PRKN: variants seen among roughly 807,000 people sequenced by gnomAD.
PRKN encodes parkin RBR E3 ubiquitin protein ligase.
Under a neutral mutation model 59.5 loss-of-function variants are expected in PRKN, and 56 were observed. The observed-to-expected ratio is 0.94, with a 90% CI of 0.76 to 1.18. The LOEUF (loss-of-function observed/expected upper bound fraction) is 1.18. Ranked by LOEUF, PRKN falls within the 50% of genes most tolerant of loss-of-function variation. PRKN has a pLI of 0.00. For missense variants in PRKN, 657 were observed against 596.4 expected (o/e 1.10, Z -1.06); for synonymous variants, 250 against 222.1 (o/e 1.13, Z -1.12).
At chr6:162,568,578 AAGGAG>A in intron 1 of PRKN, 1 of 353,474 alleles carries the variant, frequency 2.8e-6, no homozygotes, top group East Asian at 1.0e-4. Context: ...GGAGCAGGAG[AAGGAG>A]AAGGAGCAGA....
intron 1 of PRKN, among the ~76,000 whole-genome samples, chr6:162,470,321 G>T (rs112099825): frequency 6.6e-6 from 1 of 152,158 alleles, no homozygotes; most frequent in Non-Finnish European, 1.5e-5. Flanking sequence ...TTTAGGCACC[G>T]TGGACACAGC....
intron 5 of PRKN, among the ~76,000 whole-genome samples, chr6:162,015,628 C>T (rs1782907891): frequency 6.6e-6 from 1 of 152,298 alleles, no homozygotes; most frequent in South Asian, 2.1e-4. Flanking sequence ...TTCCACTGCT[C>T]ACCCTTCTAC....
At chr6:162,597,341 T>C (rs1421163810) in intron 1 of PRKN, among the ~76,000 whole-genome samples, 2 of 152,230 alleles carry the variant, frequency 1.3e-5, no homozygotes, top group South Asian at 2.1e-4. Context: ...TAACAGACTT[T>C]AAACTTTTCT....
At chr6:161,469,192 T>C (rs1790639209) in intron 9 of PRKN, among the ~76,000 whole-genome samples, 1 of 152,168 alleles carries the variant, frequency 6.6e-6, no homozygotes, top group Admixed American at 6.5e-5. Context: ...GATAAATGAA[T>C]CATGGGGGTG....
At chr6:162,343,983 C>G (rs1784294424) in intron 2 of PRKN, among the ~76,000 whole-genome samples, 1 of 152,182 alleles carries the variant, frequency 6.6e-6, no homozygotes, top group African/African-American at 2.4e-5. Flanking sequence ...GTCACTCCCT[C>G]TCTGGCACCT....
chr6:162,113,379 G>C (rs1780524306), intron 4 of PRKN, among the ~76,000 whole-genome samples: 1 of 152,056 alleles, frequency 6.6e-6, no homozygotes, highest in South Asian at 2.1e-4. Context: ...TTCCCATAAA[G>C]TCAACATTAT....
chr6:162,209,140 T>C (rs1371964306), intron 3 of PRKN, among the ~76,000 whole-genome samples: 2 of 152,010 alleles, frequency 1.3e-5, no homozygotes, highest in Admixed American at 1.3e-4. Context: ...GCAGAAACTA[T>C]CATCAGAGTG....
chr6:162,268,677 A>G (rs964900907), intron 2 of PRKN, among the ~76,000 whole-genome samples: 1 of 152,142 alleles, frequency 6.6e-6, no homozygotes, highest in Non-Finnish European at 1.5e-5. Flanking sequence ...GAAGTTCACG[A>G]TGGGTTCAAC....
chr6:162,511,144 C>T lies in PRKN; in HGVS notation c.8-67671G>A, dbSNP rs1777596791. 2.0e-5 allele frequency among the ~76,000 whole-genome samples: 3 copies of T among 152,102 alleles called. No homozygotes were observed. In the South Asian group the frequency reaches 6.2e-4, roughly 32 times the overall value. On this transcript the variant is annotated intron_variant, in intron 1 of 11. Transcript: ENST00000366898. ...TATAGAAAATAACCCAGTAATTTTA[C>T]ATTTTAATTATGTCCCCTTTTATAT...
intron 2 of PRKN, among the ~76,000 whole-genome samples, chr6:162,426,102 T>C: frequency 6.6e-6 from 1 of 152,336 alleles, no homozygotes; most frequent in East Asian, 1.9e-4. Flanking sequence ...TTATCTTTCC[T>C]GTAATTCAGA....
At chr6:161,636,023 C>T (rs892055153) in intron 7 of PRKN, among the ~76,000 whole-genome samples, 1 of 152,192 alleles carries the variant, frequency 6.6e-6, no homozygotes, top group Non-Finnish European at 1.5e-5. Context: ...CTGCAACCTC[C>T]TTCAGTCCTC....
rs1323505962 is a variant in PRKN, at chr6:161,475,271, A to G, written c.1083+73583T>C. 6.6e-6 allele frequency among the ~76,000 whole-genome samples: 1 copy of G among 152,046 alleles called. No individual in the cohort carries two copies. The highest frequency in any genetic ancestry group is 2.4e-5 in the African/African-American group (1 of 41,398). On this transcript the variant is annotated intron_variant, in intron 9 of 11. Transcript: ENST00000366898. This position sits in a 1 kb window ranked among gnomAD's most constrained non-coding sequence, Gnocchi z 5.3. ...TGTGATGGAGCTGCCAACTTGGGGG[A>G]ATGCAGTCACCTCTTCCCACACTGG... is the stretch of plus-strand genomic sequence containing the variant.
intron 6 of PRKN, among the ~76,000 whole-genome samples, chr6:161,844,585 T>A (rs908150631): frequency 1.1e-4 from 16 of 152,246 alleles, no homozygotes; most frequent in Non-Finnish European, 7.3e-5. Flanking sequence ...TTTGTTTTAT[T>A]GAATTTTAAT....
intron 5 of PRKN, among the ~76,000 whole-genome samples, chr6:161,986,438 A>C (rs1188028947): frequency 1.3e-5 from 2 of 151,264 alleles, no homozygotes; most frequent in Non-Finnish European, 2.9e-5. Context: ...TATTCTTGGG[A>C]ATTAAGTAAT....
At chr6:162,704,928 C>T (rs1288179127) in intron 1 of PRKN, among the ~76,000 whole-genome samples, 1 of 152,034 alleles carries the variant, frequency 6.6e-6, no homozygotes, top group East Asian at 1.9e-4. Flanking sequence ...AATTTTGCTG[C>T]ATTTACCAAG....
intron 1 of PRKN, among the ~76,000 whole-genome samples, chr6:162,625,868 A>C (rs1023512399): frequency 2.0e-5 from 3 of 152,228 alleles, no homozygotes; most frequent in Non-Finnish European, 1.5e-5. Flanking sequence ...CAAATAAACA[A>C]AGCACTAGGA....
At chr6:161,368,008 C>A (rs991880618) in intron 10 of PRKN, among the ~76,000 whole-genome samples, 4 of 151,996 alleles carry the variant, frequency 2.6e-5, no homozygotes, top group African/African-American at 9.7e-5. Flanking sequence ...ACTCCAGGCC[C>A]CTGCAGCCTT....
At chr6:162,397,488 T>A (rs1376530108) in intron 2 of PRKN, among the ~76,000 whole-genome samples, 1 of 151,922 alleles carries the variant, frequency 6.6e-6, no homozygotes, top group Admixed American at 6.6e-5. Context: ...GTACTAGATA[T>A]TTGGAGGTAG....
At chr6:161,508,059 G>A (rs372237266) in intron 9 of PRKN, among the ~76,000 whole-genome samples, 1 of 152,124 alleles carries the variant, frequency 6.6e-6, no homozygotes, top group Admixed American at 6.5e-5. Context: ...TAGAAGTATC[G>A]CACACGTTAG....
Sources: allele counts gnomAD v4.1 joint callset (sites outside exome capture counted in the v4.1 genomes callset), GRCh38; gene constraint gnomAD v4.1.1; non-coding constraint Gnocchi (gnomAD v3.1); transcripts MANE v1.5; gene names NCBI Gene and HGNC (gene_info 2026-07-23, HGNC 2026-07-21).